Variants in GCNT1 observed in about 807,000 individuals in gnomAD.
GCNT1 encodes the protein glucosaminyl (N-acetyl) transferase 1.
In GCNT1, 16 loss-of-function variants were observed where a neutral mutation model predicts 26.2. That is an observed-to-expected ratio of 0.61 (90% CI 0.41 to 0.93). The LOEUF is 0.93. Ranked by LOEUF, GCNT1 falls within the 40% of genes least tolerant of loss-of-function variation. The pLI, the probability that GCNT1 is intolerant of heterozygous loss-of-function variation, is 0.00. For missense variants in GCNT1, 477 were observed against 526.7 expected (o/e 0.91, Z 0.92); for synonymous variants, 183 against 190.8 (o/e 0.96, Z 0.34).
chr9:76,467,293 T>C (rs549469598), intron 2 of GCNT1, among the ~76,000 whole-genome samples: 11 of 152,172 alleles, frequency 7.2e-5, no homozygotes, highest in Admixed American at 3.9e-4. Context: ...CCACCCGCCT[T>C]GGCCTCCCAA....
At position 76,482,235 on chromosome 9, in the gene GCNT1, A is replaced by G. The variant is rs113079158; in HGVS notation, c.-289-18681A>G. 2.1e-3 allele frequency among the ~76,000 whole-genome samples: 318 copies of G among 152,166 alleles called. 1 individual carries two copies. Among genetic ancestry groups the G allele is most frequent in the African/African-American group, 7.4e-3 (307 of 41,520 alleles). On this transcript the variant is annotated intron_variant, in intron 2 of 3. Transcript: ENST00000376730. ...TTACGAAAAACAGCATGCTTCTCCC[A>G]ATGGCCCCCCAAATCTCCTACTCCC...
chr9:76,401,711 A>G, the GCNT1 span, among the ~76,000 whole-genome samples: 2 of 152,144 alleles, frequency 1.3e-5, no homozygotes, highest in African/African-American at 4.8e-5. Flanking sequence ...GGTGACTCAG[A>G]CCTCTAGCTT....
chr9:76,451,944 CTTTCT>C (rs1400237596), intron 1 of GCNT1, among the ~76,000 whole-genome samples: 3 of 116,048 alleles, frequency 2.6e-5, no homozygotes, highest in Admixed American at 9.0e-5. Context: ...TCTTTTCTTT[CTTTCT>C]TTTTTTTTTT....
intron 2 of GCNT1, among the ~76,000 whole-genome samples, chr9:76,489,389 G>A (rs868824503): frequency 2.6e-5 from 4 of 152,320 alleles, no homozygotes; most frequent in South Asian, 4.1e-4. Flanking sequence ...TAAAGGTGGT[G>A]TGGACCCAAA....
At chr9:76,420,415 A>C (rs1409761475) in intron 1 of GCNT1, among the ~76,000 whole-genome samples, 2 of 152,086 alleles carry the variant, frequency 1.3e-5, no homozygotes, top group African/African-American at 4.8e-5. Flanking sequence ...CCGGGATTAC[A>C]GACACACACT....
At chr9:76,399,155 C>T in the GCNT1 span, 25 of 1,483,628 alleles carry the variant, frequency 1.7e-5, no homozygotes, top group South Asian at 1.8e-4. Flanking sequence ...CACAGATTCT[C>T]CTATGCGCTA....
the GCNT1 span, among the ~76,000 whole-genome samples, chr9:76,401,952 G>A: frequency 6.6e-6 from 1 of 152,182 alleles, no homozygotes; most frequent in East Asian, 1.9e-4. Flanking sequence ...CAGAGGAAAA[G>A]AACTTTGAAT....
intron 1 of GCNT1, among the ~76,000 whole-genome samples, chr9:76,434,015 T>G (rs1006297678): frequency 1.3e-5 from 2 of 152,230 alleles, no homozygotes; most frequent in African/African-American, 4.8e-5. Flanking sequence ...TCACTTAATC[T>G]ATAACCTAAG....
At chr9:76,445,448 C>T (rs950244863) in intron 1 of GCNT1, among the ~76,000 whole-genome samples, 1 of 151,944 alleles carries the variant, frequency 6.6e-6, no homozygotes, top group African/African-American at 2.4e-5. Flanking sequence ...AGTGCAGTGG[C>T]TCAGTCTCGG....
chr9:76,473,773 T>C (rs986304314), intron 2 of GCNT1, among the ~76,000 whole-genome samples: 1 of 152,204 alleles, frequency 6.6e-6, no homozygotes, highest in Admixed American at 6.5e-5. Flanking sequence ...ATTGCCACTG[T>C]ACTCTTCTGT....
intron 1 of GCNT1, among the ~76,000 whole-genome samples, chr9:76,434,411 G>T (rs952374433): frequency 2.6e-5 from 4 of 152,144 alleles, no homozygotes; most frequent in African/African-American, 9.7e-5. Context: ...TGATTTCATG[G>T]ACATTTATCA....
chr9:76,496,795 C>T (rs2131637893), intron 2 of GCNT1, among the ~76,000 whole-genome samples: 1 of 152,234 alleles, frequency 6.6e-6, no homozygotes, highest in Admixed American at 6.5e-5. Context: ...ACTGGCTTTC[C>T]TCTGTTCCAA....
chr9:76,462,479 G>T (rs1823894077), intron 2 of GCNT1, among the ~76,000 whole-genome samples: 1 of 152,196 alleles, frequency 6.6e-6, no homozygotes, highest in African/African-American at 2.4e-5. Flanking sequence ...TGCATTGCAG[G>T]ATGTTTAGCA....
At chr9:76,402,998 C>A in the GCNT1 span, among the ~76,000 whole-genome samples, 6 of 152,214 alleles carry the variant, frequency 3.9e-5, no homozygotes, top group Admixed American at 6.5e-5. Context: ...AATAAATACA[C>A]CGCACATATG....
intron 2 of GCNT1, among the ~76,000 whole-genome samples, chr9:76,474,090 AC>A (rs1824202717): frequency 6.6e-6 from 1 of 152,176 alleles, no homozygotes; most frequent in South Asian, 2.1e-4. Context: ...ACAGAGCGAT[AC>A]CCTGTCTCAG....
chr9:76,501,421 C>T (rs1262456047), intron 3 of GCNT1, among the ~76,000 whole-genome samples: 2 of 152,176 alleles, frequency 1.3e-5, no homozygotes, highest in East Asian at 1.9e-4. Flanking sequence ...TCATAAATTA[C>T]AATTTGTATA....
intron 1 of GCNT1, among the ~76,000 whole-genome samples, chr9:76,428,318 G>T (rs1158023424): frequency 7.2e-6 from 1 of 138,588 alleles, no homozygotes; most frequent in Non-Finnish European, 1.6e-5. Flanking sequence ...GAGAGAAATG[G>T]AGAAATGTTG....
chr9:76,483,354 A>G (rs542705733), intron 2 of GCNT1, among the ~76,000 whole-genome samples: 3 of 151,946 alleles, frequency 2.0e-5, no homozygotes, highest in Non-Finnish European at 2.9e-5. Context: ...TAATGCTTAT[A>G]TGGTTTCTAA....
chr9:76,493,102 T>A (rs1004857689), intron 2 of GCNT1, among the ~76,000 whole-genome samples: 1 of 152,212 alleles, frequency 6.6e-6, no homozygotes, highest in African/African-American at 2.4e-5. Flanking sequence ...ATTCTCTTCC[T>A]TGCCCTGAGT....
Sources: allele counts gnomAD v4.1 joint callset (sites outside exome capture counted in the v4.1 genomes callset), GRCh38; gene constraint gnomAD v4.1.1; transcripts MANE v1.5; gene names NCBI Gene and HGNC (gene_info 2026-07-23, HGNC 2026-07-21).